Variants in PARVB observed in about 807,000 individuals in gnomAD.
The protein encoded by PARVB is parvin beta, also known as beta-parvin.
In PARVB, 46 loss-of-function variants were observed where a neutral mutation model predicts 47.0. The ratio of observed to expected loss-of-function variants is 0.98; its 90% CI spans 0.77 to 1.25. The LOEUF (loss-of-function observed/expected upper bound fraction) is 1.25, where lower values mean the gene tolerates loss of function less well. Ranked by LOEUF, PARVB falls within the 50% of genes most tolerant of loss-of-function variation. The pLI, the probability that PARVB is intolerant of heterozygous loss-of-function variation, is 0.00. For synonymous variants in PARVB, 196 were observed against 196.3 expected (o/e 1.00, Z 0.01); for missense variants, 473 against 471.6 (o/e 1.00, Z -0.03).
At chr22:44,117,642 G>T (rs1418346623) in intron 3 of PARVB, among the ~76,000 whole-genome samples, 1 of 152,188 alleles carries the variant, frequency 6.6e-6, no homozygotes, top group African/African-American at 2.4e-5. Context: ...TGTGTGTCAG[G>T]TTCGATATTT....
chr22:44,163,776 A>C, intron 11 of PARVB, 82 bp from the exon 12 acceptor site: 1 of 1,225,944 alleles, frequency 8.2e-7, no homozygotes, highest in Non-Finnish European at 1.2e-6. Flanking sequence ...GGTCCTGTCC[A>C]TGCCGGCTGT....
In PARVB at chr22:44,098,563, G is replaced by A. The variant is rs564043401; in HGVS notation, c.203-1490G>A. 5.3e-4 allele frequency among the ~76,000 whole-genome samples: 81 copies of A among 152,130 alleles called. 1 individual carries two copies. The highest frequency in any genetic ancestry group is 9.6e-4 in the Non-Finnish European group (65 of 68,008). On this transcript the variant is annotated intron_variant, in intron 2 of 12. Transcript: ENST00000338758. Reference sequence around the variant, plus strand: ...GGAAATGAGGCGGGAGAGGGGCCTTGGAGGCCACATGGAGGACGCCGGCCT... The same window carrying A: ...GGAAATGAGGCGGGAGAGGGGCCTTAGAGGCCACATGGAGGACGCCGGCCT...
chr22:44,075,692 T>C lies in PARVB; in HGVS notation c.113-18236T>C, dbSNP rs148230920. ...CAGGGTCGTGCAGTTGGGATCACAC[T>C]GTCTGCAGCCTTTTCAGACTGGTTT... On this transcript the variant is annotated intron_variant, in intron 1 of 12. Transcript: ENST00000338758. Among the ~76,000 whole-genome samples, 817 of 152,376 alleles carry C rather than the reference T, an allele frequency of 5.4e-3. 2 individuals carry two copies. The highest frequency in any genetic ancestry group is 8.5e-3 in the Non-Finnish European group (577 of 68,034).
At chr22:44,024,258 G>A (rs1214234427), upstream of PARVB, 3 of 764,616 alleles carry the variant, frequency 3.9e-6, no homozygotes, top group Non-Finnish European at 4.8e-6. Context: ...GGCCGGCGGC[G>A]GGGCCGCGCC....
intron 3 of PARVB, chr22:44,113,215 C>A (rs1271080379): frequency 1.6e-5 from 2 of 123,820 alleles, no homozygotes; most frequent in African/African-American, 7.7e-5. Flanking sequence ...CTAACTAAGG[C>A]CCTGCACCAA....
At chr22:44,026,886 G>A (rs2146882665) in intron 1 of PARVB, among the ~76,000 whole-genome samples, 1 of 152,286 alleles carries the variant, frequency 6.6e-6, no homozygotes, top group Non-Finnish European at 1.5e-5. Context: ...GATTCAGGCA[G>A]GGGTGTGACA....
intron 1 of PARVB, among the ~76,000 whole-genome samples, chr22:44,084,585 G>A (rs756862160): frequency 3.9e-5 from 6 of 152,188 alleles, no homozygotes; most frequent in Admixed American, 1.3e-4. Flanking sequence ...GGTTCTTTCC[G>A]CTGCGTTCTT....
rs980954779 is a variant in PARVB, at chr22:44,131,361, C to T, written c.377-126C>T. ...TTCACCATATTTGCCAGGCTGGTCTCGAACTCCTGGCCTGAAGTGATTCAC... is the reference window on the plus strand; with the variant it reads ...TTCACCATATTTGCCAGGCTGGTCTTGAACTCCTGGCCTGAAGTGATTCAC... On this transcript the variant is annotated intron_variant, in intron 4 of 12. Transcript: ENST00000338758. 15 of 942,744 alleles carry T rather than the reference C, an allele frequency of 1.6e-5. No individual in the cohort carries two copies. The African/African-American group carries it at 2.0e-4, about 13-fold the overall frequency. 58.4% of individuals were successfully genotyped at this position (942,744 alleles called of 1,614,324 possible).
chr22:44,058,813 C>CCAAAGTGCT (rs1250526208), intron 1 of PARVB, among the ~76,000 whole-genome samples: 2 of 152,074 alleles, frequency 1.3e-5, no homozygotes, highest in Admixed American at 1.3e-4. Context: ...CCTCAGCCTC[C>CCAAAGTGCT]CAAAGTGCTG....
At chr22:44,055,678 C>CTCTCTATATATATATATATATATATATA (rs1438284048) in intron 1 of PARVB, among the ~76,000 whole-genome samples, 1 of 142,680 alleles carries the variant, frequency 7.0e-6, no homozygotes, top group African/African-American at 2.6e-5. Context: ...CTCTCTCTCT[C>CTCTCTATATATATATATATATATATATA]TATATATATA....
At chr22:44,092,916 A>C (rs2050176) in intron 1 of PARVB, among the ~76,000 whole-genome samples, 4 of 152,124 alleles carry the variant, frequency 2.6e-5, no homozygotes, top group South Asian at 2.1e-4. Context: ...AGGAAATACC[A>C]TTTTACTTCT....
intron 1 of PARVB, among the ~76,000 whole-genome samples, chr22:44,058,238 A>G (rs1255925517): frequency 6.6e-6 from 1 of 152,140 alleles, no homozygotes; most frequent in Non-Finnish European, 1.5e-5. Flanking sequence ...TGCTCCATCT[A>G]AAGTCTCCAG....
At position 44,163,880 on chromosome 22, in the gene PARVB, T is replaced by C. The variant is rs2054106309; in HGVS notation, c.968T>C (p.Phe323Ser). ...CAGGTCCACAATGTGTCCTTCGCCT[T>C]TGAGCTGATGCTGGACGGAGGCCTC... ...DQKVHNVSFAFELMLDGGLKK... is the reference protein window; with the variant it reads ...DQKVHNVSFASELMLDGGLKK... The change falls in exon 12 of 13, where the codon TTT (phenylalanine) becomes TCT (serine). Residue 323 changes from phenylalanine to serine, a missense_variant. Physicochemically the swap from Phe to Ser is radical, Grantham distance 155. Transcript: ENST00000338758. The C allele has an allele frequency of 4.3e-6, 7 of 1,610,822 alleles. No individual in the cohort carries two copies. The South Asian group carries it at 7.8e-5, about 18-fold the overall frequency.
At position 44,169,524 on chromosome 22, in the gene PARVB, G is replaced by T. The variant is rs1488536411; in HGVS notation, c.*846G>T. 6.7e-6 allele frequency: 1 copy of T among 149,838 alleles called. No homozygotes were observed. Among genetic ancestry groups the T allele is most frequent in the Non-Finnish European group, 1.5e-5 (1 of 68,062 alleles). The allele number at this position is 149,838 out of a possible 1,614,324, so 9.3% of individuals were successfully genotyped here. A position where few individuals can be genotyped will look rare whatever the true frequency, so the allele number is the denominator to read the frequency against. ...TGCATCTTTGGAAACTTTAAAATGA[G>T]GGGGGTGCATTGGTTCACTGGCACT... is the stretch of plus-strand genomic sequence containing the variant. On this transcript the variant is annotated 3_prime_UTR_variant, in exon 13 of 13. Coordinates refer to ENST00000338758, the MANE Select transcript of PARVB (RefSeq NM_013327.5).
At chr22:44,158,608 T>A (rs1370689393) in intron 11 of PARVB, among the ~76,000 whole-genome samples, 2 of 152,244 alleles carry the variant, frequency 1.3e-5, no homozygotes, top group African/African-American at 4.8e-5. Flanking sequence ...ATTGTTTTCT[T>A]AGGAAAATTT....
Position 44,091,904 on chromosome 22 carries a change from C to T in PARVB, c.113-2024C>T, listed in dbSNP as rs114592844. On this transcript the variant is annotated intron_variant, in intron 1 of 12. Coordinates refer to ENST00000338758, the MANE Select transcript of PARVB (RefSeq NM_013327.5). The stretch of plus-strand genomic sequence containing the variant: ...CTTCGGGGGAGTGGGTAACTGGCAT[C>T]CTGGGGCCCCGCTGCCATTGTCCTT... Among the ~76,000 whole-genome samples, 687 of 152,218 alleles carry T rather than the reference C, an allele frequency of 4.5e-3. 10 individuals are homozygous for T. Among genetic ancestry groups the T allele is most frequent in the African/African-American group, 0.016 (662 of 41,540 alleles).
At chr22:44,079,679 A>G (rs1486885169) in intron 1 of PARVB, among the ~76,000 whole-genome samples, 1 of 152,068 alleles carries the variant, frequency 6.6e-6, no homozygotes, top group Non-Finnish European at 1.5e-5. Flanking sequence ...ACAATACATT[A>G]CACTTTGGGA....
intron 1 of PARVB, among the ~76,000 whole-genome samples, chr22:44,052,278 C>T (rs1401617602): frequency 6.6e-6 from 1 of 152,150 alleles, no homozygotes; most frequent in Non-Finnish European, 1.5e-5. Flanking sequence ...GAGTCCGTCA[C>T]CCTGAGAGGC....
At chr22:44,061,365 A>T (rs1333503948) in intron 1 of PARVB, among the ~76,000 whole-genome samples, 1 of 151,284 alleles carries the variant, frequency 6.6e-6, no homozygotes, top group Non-Finnish European at 1.5e-5. Context: ...CAGGAGGCAG[A>T]GGTTGCAGTG....
Sources: allele counts gnomAD v4.1 joint callset (sites outside exome capture counted in the v4.1 genomes callset), GRCh38; gene constraint gnomAD v4.1.1; transcripts MANE v1.5; gene names NCBI Gene and HGNC (gene_info 2026-07-23, HGNC 2026-07-21).